UGGT2: variants seen among roughly 807,000 people sequenced by gnomAD.
UGGT2 encodes UDP-glucose glycoprotein glucosyltransferase 2, also known as UDP-glucose:glycoprotein glucosyltransferase 2.
UGGT2 carries 180 observed loss-of-function variants against 192.1 expected under a neutral mutation model. That is an observed-to-expected ratio of 0.94 (90% CI 0.83 to 1.06). The LOEUF (loss-of-function observed/expected upper bound fraction) is 1.06, where lower values mean the gene tolerates loss of function less well. Ranked by LOEUF, UGGT2 falls within the 50% of genes least tolerant of loss-of-function variation. The pLI is 0.00. For synonymous variants in UGGT2, 580 were observed against 591.0 expected (o/e 0.98, Z 0.27); for missense variants, 1,849 against 1,795.7 (o/e 1.03, Z -0.54).
At chr13:95,935,644 C>G (rs894734511) in intron 17 of UGGT2, among the ~76,000 whole-genome samples, 3 of 152,054 alleles carry the variant, frequency 2.0e-5, no homozygotes, top group African/African-American at 7.2e-5. Flanking sequence ...TCACAGTGTT[C>G]TCTGAATTTC....
At chr13:95,825,349 AG>A (rs747435575) in intron 38 of UGGT2, among the ~76,000 whole-genome samples, 5 of 152,138 alleles carry the variant, frequency 3.3e-5, no homozygotes, top group Non-Finnish European at 5.9e-5. Context: ...AAGGTGGCTG[AG>A]GGAGCTCTCA....
chr13:95,943,129 T>C (rs2049747151), intron 15 of UGGT2, among the ~76,000 whole-genome samples: 1 of 152,128 alleles, frequency 6.6e-6, no homozygotes, highest in Admixed American at 6.5e-5. Flanking sequence ...TCTTATTACC[T>C]GGTATGACAA....
rs2053281488 is a variant in UGGT2 at position 96,045,447 on chromosome 13, A to G, written c.158+7708T>C. Among the ~76,000 whole-genome samples the G allele has an allele frequency of 2.0e-5, 3 of 152,198 alleles. No individual in the cohort carries two copies. In the South Asian group the frequency reaches 6.2e-4, roughly 31 times the overall value. ...GAACAAGGCAACCATGCCCACTCTC[A>G]CCACTTCTATTCAACATAGTAATGG... On this transcript the variant is annotated intron_variant, in intron 1 of 38. Transcript: ENST00000376747.
At chr13:95,805,046 C>T (rs1374986400) in intron 38 of UGGT2, among the ~76,000 whole-genome samples, 1 of 151,748 alleles carries the variant, frequency 6.6e-6, no homozygotes, top group Non-Finnish European at 1.5e-5. Flanking sequence ...ATCTGATAAG[C>T]CATTAATATT....
At chr13:95,855,001 A>G (rs950858686) in intron 34 of UGGT2, among the ~76,000 whole-genome samples, 15 of 149,302 alleles carry the variant, frequency 1.0e-4, no homozygotes, top group South Asian at 2.2e-4. Context: ...AAAGAAAGGT[A>G]GGAGAAAGAA....
At chr13:95,893,460 C>T (rs1474192208) in intron 24 of UGGT2, among the ~76,000 whole-genome samples, 1 of 152,076 alleles carries the variant, frequency 6.6e-6, no homozygotes, top group Non-Finnish European at 1.5e-5. Context: ...GGAAGTAATA[C>T]TGATAATTCA....
chr13:95,851,488 A>C (rs1404365969), intron 36 of UGGT2, among the ~76,000 whole-genome samples: 1 of 152,202 alleles, frequency 6.6e-6, no homozygotes, highest in Non-Finnish European at 1.5e-5. Context: ...GTAGAGAAAA[A>C]GTAGTTCACC....
chr13:95,834,110 T>C (rs1250073939), intron 37 of UGGT2, among the ~76,000 whole-genome samples: 3 of 152,192 alleles, frequency 2.0e-5, no homozygotes, highest in Non-Finnish European at 2.9e-5. Context: ...ATAGGCAATG[T>C]CTTCTATATA....
chr13:96,002,147 T>G (rs1184334832), intron 5 of UGGT2, among the ~76,000 whole-genome samples: 1 of 152,176 alleles, frequency 6.6e-6, no homozygotes, highest in Non-Finnish European at 1.5e-5. Flanking sequence ...AAACTGTACT[T>G]GTATCTCCCA....
At chr13:95,994,735 G>A (rs1415687087) in intron 7 of UGGT2, among the ~76,000 whole-genome samples, 1 of 151,882 alleles carries the variant, frequency 6.6e-6, no homozygotes, top group Non-Finnish European at 1.5e-5. Flanking sequence ...TTCGAATATG[G>A]GAAATCATAA....
Position 95,903,072 on chromosome 13 carries a change from T to A in UGGT2, c.2296-12A>T, listed in dbSNP as rs900300786. 27 of 1,601,698 alleles carry A rather than the reference T, an allele frequency of 1.7e-5. No homozygotes were observed. The highest frequency in any genetic ancestry group is 4.0e-5 in the African/African-American group (3 of 74,216). ...TGAACACTTGTTTTCTGCAAACATA[T>A]TTATAGATTAAAAAGACCAGTATCA... is the stretch of plus-strand genomic sequence containing the variant. On this transcript the variant is annotated splice_polypyrimidine_tract_variant and intron_variant, in intron 20 of 38. Coordinates refer to ENST00000376747, the MANE Select transcript of UGGT2 (RefSeq NM_020121.4).
At chr13:95,854,815 A>G (rs753990699) in intron 34 of UGGT2, among the ~76,000 whole-genome samples, 6 of 152,254 alleles carry the variant, frequency 3.9e-5, no homozygotes, top group Non-Finnish European at 7.4e-5. Flanking sequence ...TAGTTTCTCA[A>G]TGTATGAATA....
intron 4 of UGGT2, among the ~76,000 whole-genome samples, chr13:96,019,044 T>G (rs898449613): frequency 7.5e-6 from 1 of 133,330 alleles, no homozygotes; most frequent in Non-Finnish European, 1.5e-5. Context: ...CCAATATTGA[T>G]AAGATATCAC....
chr13:95,902,018 C>T (rs1035858466), intron 21 of UGGT2, among the ~76,000 whole-genome samples: 19 of 152,132 alleles, frequency 1.2e-4, no homozygotes, highest in Non-Finnish European at 2.4e-4. Flanking sequence ...CCCTTGAATG[C>T]TCCCTCTCAG....
chr13:95,835,385 C>T lies in UGGT2; in HGVS notation c.4401+1701G>A, dbSNP rs144683439. 1.1e-3 allele frequency among the ~76,000 whole-genome samples: 161 copies of T among 152,268 alleles called. 2 individuals are homozygous for T. Among genetic ancestry groups the T allele is most frequent in the African/African-American group, 3.8e-3 (156 of 41,554 alleles). On this transcript the variant is annotated intron_variant, in intron 37 of 38. Coordinates refer to ENST00000376747, the MANE Select transcript of UGGT2 (RefSeq NM_020121.4). Reference sequence around the variant, plus strand: ...TAAGTACTAAAGATCCCAAAATGACCTACACCACTACTGTATGAGCCACAA... The same window carrying T: ...TAAGTACTAAAGATCCCAAAATGACTTACACCACTACTGTATGAGCCACAA...
intron 1 of UGGT2, among the ~76,000 whole-genome samples, chr13:96,041,331 G>A (rs1022170705): frequency 2.0e-5 from 3 of 152,108 alleles, no homozygotes; most frequent in African/African-American, 4.8e-5. Context: ...GGAAGCAGCA[G>A]GAAAAGCCCT....
At chr13:96,051,034 C>T (rs1361263442) in intron 1 of UGGT2, among the ~76,000 whole-genome samples, 7 of 152,120 alleles carry the variant, frequency 4.6e-5, no homozygotes, top group South Asian at 2.1e-4. Context: ...CATGCACACA[C>T]ATGTTTATTG....
Position 95,900,663 on chromosome 13 carries a change from T to C in UGGT2, c.2634+144A>G, listed in dbSNP as rs565883840. On this transcript the variant is annotated intron_variant, in intron 22 of 38. Coordinates refer to ENST00000376747, the MANE Select transcript of UGGT2 (RefSeq NM_020121.4). ...GTGTGTCATGACCCCATTTTATTTATGCTGAGTTGTGTCTGGTGTCTTCAG... is the reference window on the plus strand; with the variant it reads ...GTGTGTCATGACCCCATTTTATTTACGCTGAGTTGTGTCTGGTGTCTTCAG... The C allele has an allele frequency of 3.1e-4, 235 of 751,012 alleles. 2 individuals carry two copies. The highest frequency in any genetic ancestry group is 1.6e-5 in the Non-Finnish European group (8 of 511,550). The allele number at this position is 751,012 out of a possible 1,614,324, so 46.5% of individuals were successfully genotyped here.
intron 30 of UGGT2, among the ~76,000 whole-genome samples, chr13:95,866,685 T>C (rs2140110188): frequency 6.6e-6 from 1 of 152,232 alleles, no homozygotes; most frequent in South Asian, 2.1e-4. Context: ...TGGGTTCTAA[T>C]TTTTGTCCCC....
Sources: allele counts gnomAD v4.1 joint callset (sites outside exome capture counted in the v4.1 genomes callset), GRCh38; gene constraint gnomAD v4.1.1; transcripts MANE v1.5; gene names NCBI Gene and HGNC (gene_info 2026-07-23, HGNC 2026-07-21).